Variants in ABAT observed in about 807,000 individuals in gnomAD.
ABAT encodes the protein 4-aminobutyrate aminotransferase, mitochondrial.
In ABAT, 45 loss-of-function variants were observed where a neutral mutation model predicts 64.6. That is an observed-to-expected ratio of 0.70 (90% confidence interval 0.55 to 0.89). The LOEUF is 0.89. ABAT is among the 40% of genes least tolerant of loss of function. The probability of loss-of-function intolerance (pLI) is 0.00; values close to 1 mark genes in which losing one functional copy is unlikely to be tolerated. For missense variants in ABAT, 633 were observed against 658.4 expected (o/e 0.96, Z 0.42); for synonymous variants, 297 against 250.5 (o/e 1.19, Z -1.75).
intron 1 of ABAT, among the ~76,000 whole-genome samples, chr16:8,698,496 G>T (rs1174768631): frequency 6.6e-6 from 1 of 152,100 alleles, no homozygotes; most frequent in African/African-American, 2.4e-5. Context: ...GCCACACCCA[G>T]CTAATTCTTG....
At position 8,764,221 on chromosome 16, in the gene ABAT, C is replaced by A; in HGVS notation, c.447+72C>A. 8.1e-7 allele frequency: 1 copy of A among 1,241,404 alleles called. No individual in the cohort carries two copies. Among genetic ancestry groups the A allele is most frequent in the Non-Finnish European group, 1.2e-6 (1 of 846,078 alleles). The allele number at this position is 1,241,404 out of a possible 1,614,324, so 76.9% of individuals were successfully genotyped here. ...CAGGGGAAGGGAAAAGTGGAGACGC[C>A]AACAATGAAGAATAAGGTGTTGCTA... On this transcript the variant is annotated intron_variant, in intron 7 of 15. Transcript: ENST00000268251. This position sits in a 1 kb window ranked among gnomAD's most constrained non-coding sequence, Gnocchi z 4.2.
At chr16:8,778,396 G>A (rs2060329109) in intron 14 of ABAT, among the ~76,000 whole-genome samples, 1 of 152,102 alleles carries the variant, frequency 6.6e-6, no homozygotes, top group South Asian at 2.1e-4. Flanking sequence ...TTGACGTGTG[G>A]AGGCTTCACT....
At chr16:8,702,266 T>A (rs777971723) in intron 1 of ABAT, among the ~76,000 whole-genome samples, 4,201 of 140,744 alleles carry the variant, frequency 0.03, 91 homozygotes, top group South Asian at 0.11. Context: ...TGCTGCACTC[T>A]TTTTTTTTTT....
chr16:8,781,555 G>C lies in ABAT; in HGVS notation c.*125G>C, dbSNP rs2143007951. Reference sequence around the variant, plus strand: ...AATGCACAGTGAAGGGTGATTTGTGGGGAGGGAGCATTTTTGGTGGTCTTG... The same window carrying C: ...AATGCACAGTGAAGGGTGATTTGTGCGGAGGGAGCATTTTTGGTGGTCTTG... On this transcript the variant is annotated 3_prime_UTR_variant, in exon 16 of 16. Transcript: ENST00000268251. The surrounding 1 kb of genome is among the most constrained non-coding windows in gnomAD (Gnocchi z 4.5). The C allele has an allele frequency of 3.5e-6, 5 of 1,413,330 alleles. No individual in the cohort carries two copies. The South Asian group carries it at 5.9e-5, about 17-fold the overall frequency. 87.5% of individuals were successfully genotyped at this position (1,413,330 alleles called of 1,614,324 possible). A position where few individuals can be genotyped will look rare whatever the true frequency, so the allele number is the denominator to read the frequency against.
Position 8,758,871 on chromosome 16 carries a change from G to A in ABAT, c.366+1065G>A, listed in dbSNP as rs902472588. ...CCAGCACTTTGGGAGGCTGAGGCAG[G>A]CAGAGCACTTGAGGGAGGTCAGGAG... is the stretch of plus-strand genomic sequence containing the variant. On this transcript the variant is annotated intron_variant, in intron 6 of 15. Transcript: ENST00000268251. Among the ~76,000 whole-genome samples, 5 of 152,162 alleles carry A rather than the reference G, an allele frequency of 3.3e-5. No homozygotes were observed. In the East Asian group the frequency reaches 9.6e-4, roughly 29 times the overall value.
At chr16:8,741,080 G>A (rs2059150412) in intron 2 of ABAT, among the ~76,000 whole-genome samples, 1 of 152,218 alleles carries the variant, frequency 6.6e-6, no homozygotes, top group Non-Finnish European at 1.5e-5. Flanking sequence ...ATAGACTCTG[G>A]CTTGGCATGG....
intron 1 of ABAT, among the ~76,000 whole-genome samples, chr16:8,718,224 C>T (rs762963052): frequency 5.3e-5 from 8 of 152,182 alleles, no homozygotes; most frequent in Non-Finnish European, 8.8e-5. Context: ...CAGGTGTGCG[C>T]TTAATCCCTG....
intron 1 of ABAT, among the ~76,000 whole-genome samples, chr16:8,687,907 T>C (rs1301763171): frequency 6.6e-6 from 1 of 152,094 alleles, no homozygotes; most frequent in African/African-American, 2.4e-5. Context: ...TGCTCTTTTT[T>C]TTTTTTAAGA....
At chr16:8,767,393 C>G (rs1201393308) in intron 9 of ABAT, among the ~76,000 whole-genome samples, 1 of 152,212 alleles carries the variant, frequency 6.6e-6, no homozygotes, top group African/African-American at 2.4e-5. Flanking sequence ...CAGCTCGGCC[C>G]CTTGCCTTGG....
chr16:8,769,844 T>C (rs1210716206), intron 11 of ABAT, among the ~76,000 whole-genome samples: 1 of 152,196 alleles, frequency 6.6e-6, no homozygotes. Flanking sequence ...GAAAAAAATA[T>C]CACTGTTTGG....
intron 1 of ABAT, among the ~76,000 whole-genome samples, chr16:8,724,860 C>G (rs12933164): frequency 0.8 from 121,226 of 150,686 alleles, 49,424 homozygotes; most frequent in Non-Finnish European, 0.88. Context: ...TCTACACACA[C>G]TTCTTTGGTC....
intron 1 of ABAT, among the ~76,000 whole-genome samples, chr16:8,728,809 G>A (rs2058632701): frequency 6.6e-6 from 1 of 152,142 alleles, no homozygotes; most frequent in Admixed American, 6.5e-5. Flanking sequence ...GGGAGTCAGA[G>A]GTTGCAGTGA....
chr16:8,759,367 A>C (rs2059733824), intron 6 of ABAT, among the ~76,000 whole-genome samples: 2 of 145,618 alleles, frequency 1.4e-5, no homozygotes, highest in South Asian at 2.2e-4. Flanking sequence ...ACAGAGTAAA[A>C]AATTTTTTTT....
intron 1 of ABAT, among the ~76,000 whole-genome samples, chr16:8,679,843 A>C (rs1211845732): frequency 6.6e-6 from 1 of 152,084 alleles, no homozygotes; most frequent in African/African-American, 2.4e-5. Context: ...TTTAACAGAA[A>C]GCCTGGGAGA....
Position 8,776,475 on chromosome 16 carries a change from A to T in ABAT, c.1254A>T (p.Gly418=), listed in dbSNP as rs140640183. The change falls in exon 14 of 16, where the codon GGA becomes GGT. Residue 418 remains glycine (G), a synonymous_variant. Coordinates refer to ENST00000268251, the MANE Select transcript of ABAT (RefSeq NM_020686.6). This position sits in a 1 kb window ranked among gnomAD's most constrained non-coding sequence, Gnocchi z 4.4. ...ATGCCGGGAAGGCCCTGCTCACAGG[A>T]CTGCTGGACCTCCAGGTAACACCCC... ...AAHAGKALLT[G]LLDLQARYPQ... 55 of 1,613,876 alleles carry T rather than the reference A, an allele frequency of 3.4e-5. No individual in the cohort carries two copies. The highest frequency in any genetic ancestry group is 4.1e-5 in the Non-Finnish European group (48 of 1,179,998).
intron 5 of ABAT, among the ~76,000 whole-genome samples, chr16:8,753,864 C>G (rs1268288760): frequency 2.6e-5 from 4 of 152,118 alleles, no homozygotes; most frequent in African/African-American, 9.7e-5. Context: ...AAATCACTTT[C>G]ACTTTTCTAT....
At chr16:8,750,856 C>G (rs2059459862) in intron 5 of ABAT, among the ~76,000 whole-genome samples, 1 of 151,584 alleles carries the variant, frequency 6.6e-6, no homozygotes, top group Admixed American at 6.6e-5. Flanking sequence ...GCAAACCCAT[C>G]TGTGTGACCA....
In ABAT at chr16:8,782,289, A is replaced by C. The variant is rs1350916225; in HGVS notation, c.*859A>C. 1 of 152,364 alleles carries C rather than the reference A, an allele frequency of 6.6e-6. No individual in the cohort carries two copies. The highest frequency in any genetic ancestry group is 2.4e-5 in the African/African-American group (1 of 41,450). The allele number at this position is 152,364 out of a possible 1,614,324, so 9.4% of individuals were successfully genotyped here. On this transcript the variant is annotated 3_prime_UTR_variant, in exon 16 of 16. Transcript: ENST00000268251. ...AGAAGCACAGGCCCGTCACCCCAGG[A>C]GGAAAAGCCCAGGGTCTGGGGCAGC...
intron 6 of ABAT, among the ~76,000 whole-genome samples, chr16:8,759,449 TCCAA>T (rs1049663183): frequency 5.9e-5 from 9 of 152,066 alleles, no homozygotes; most frequent in African/African-American, 2.2e-4. Flanking sequence ...TATTATTCCT[TCCAA>T]CCAAATTAAG....
Sources: allele counts gnomAD v4.1 joint callset (sites outside exome capture counted in the v4.1 genomes callset), GRCh38; gene constraint gnomAD v4.1.1; non-coding constraint Gnocchi (gnomAD v3.1); transcripts MANE v1.5; gene names NCBI Gene and HGNC (gene_info 2026-07-23, HGNC 2026-07-21).